RGS9: variants seen among roughly 807,000 people sequenced by gnomAD.
RGS9 encodes regulator of G-protein signalling 9.
In RGS9, 78 loss-of-function variants were observed where a neutral mutation model predicts 102.0. The ratio of observed to expected loss-of-function variants is 0.76; its 90% CI spans 0.64 to 0.92. RGS9 has a LOEUF of 0.92. Among genes scored for constraint, RGS9 ranks in the 40% least tolerant of loss-of-function variants. The probability of loss-of-function intolerance (pLI) is 0.00; values close to 1 mark genes in which losing one functional copy is unlikely to be tolerated. For missense variants in RGS9, 833 were observed against 866.1 expected, an observed-to-expected ratio of 0.96 and a Z score of 0.48; for synonymous variants, 353 against 318.6, an observed-to-expected ratio of 1.11 and a Z score of -1.15.
chr17:65,216,221 T>A (rs1375314309), intron 17 of RGS9, among the ~76,000 whole-genome samples: 1 of 152,234 alleles, frequency 6.6e-6, no homozygotes, highest in Non-Finnish European at 1.5e-5. Context: ...CAGTAGTTTG[T>A]ACACAGTGAA....
rs762492230 is a variant in RGS9 at position 65,207,976 on chromosome 17, G to C, written c.1258G>C (p.Ala420Pro). 2 of 1,613,444 alleles carry C rather than the reference G, an allele frequency of 1.2e-6. No individual in the cohort carries two copies. Among genetic ancestry groups the C allele is most frequent in the Non-Finnish European group, 1.7e-6 (2 of 1,179,500 alleles). The change falls in exon 16 of 19, where the codon GCT (alanine) becomes CCT (proline). Residue 420 changes from alanine (A) to proline (P), a missense_variant. Physicochemically the swap from Ala to Pro is conservative, Grantham distance 27. This residue lies in a region of RGS9 where 185 missense variants were observed against 248.7 expected (regional missense o/e 0.74). Transcript: ENST00000262406. The stretch of plus-strand genomic sequence containing the variant: ...GATCTATAAGGACATGCTGGCCAAA[G>C]CTATTGAACCTCAGGAAACCACCAA... ...SPIYKDMLAK[A>P]IEPQETTKKS...
At chr17:65,191,500 A>G (rs919136063) in intron 11 of RGS9, among the ~76,000 whole-genome samples, 1 of 152,022 alleles carries the variant, frequency 6.6e-6, no homozygotes, top group Admixed American at 6.6e-5. Flanking sequence ...ACCTGAGGTC[A>G]GGATTTCAGG....
At chr17:65,157,516 C>T (rs1910811005) in intron 2 of RGS9, among the ~76,000 whole-genome samples, 1 of 151,828 alleles carries the variant, frequency 6.6e-6, no homozygotes, top group South Asian at 2.1e-4. Context: ...TGTACGGGTG[C>T]ACATTCTCTC....
intron 6 of RGS9, among the ~76,000 whole-genome samples, chr17:65,162,392 T>C (rs970823017): frequency 1.3e-5 from 2 of 152,014 alleles, no homozygotes; most frequent in Non-Finnish European, 2.9e-5. Context: ...AAAAAAAAAA[T>C]TGATTTTCAA....
chr17:65,162,036 C>G (rs890289101), intron 6 of RGS9, among the ~76,000 whole-genome samples: 1 of 152,004 alleles, frequency 6.6e-6, no homozygotes, highest in African/African-American at 2.4e-5. Flanking sequence ...TCAGAAAGGC[C>G]GGTTTATCTT....
Position 65,160,839 on chromosome 17 carries a change from T to C in RGS9, c.365-12T>C. 4 of 1,613,094 alleles carry C rather than the reference T, an allele frequency of 2.5e-6. No individual in the cohort carries two copies. The highest frequency in any genetic ancestry group is 1.7e-4 in the Middle Eastern group (1 of 6,058). ...AGATGATGATGGAAAATGTCATTGC[T>C]TTCTTTTCCAGCCATCTATCTGGCC... On this transcript the variant is annotated splice_polypyrimidine_tract_variant and intron_variant, in intron 5 of 18. Coordinates refer to ENST00000262406, the MANE Select transcript of RGS9 (RefSeq NM_003835.4).
At chr17:65,149,993 G>A (rs1910514108) in intron 1 of RGS9, among the ~76,000 whole-genome samples, 1 of 152,220 alleles carries the variant, frequency 6.6e-6, no homozygotes, top group Admixed American at 6.5e-5. Context: ...GTTGGGAGAT[G>A]TTGTTTAATT....
intron 13 of RGS9, among the ~76,000 whole-genome samples, chr17:65,197,921 C>T (rs1173898189): frequency 6.6e-6 from 1 of 152,068 alleles, no homozygotes; most frequent in Non-Finnish European, 1.5e-5. Flanking sequence ...TCTGCCCTCC[C>T]CAGCCTCCCA....
At chr17:65,215,086 T>C (rs1913437661) in intron 17 of RGS9, among the ~76,000 whole-genome samples, 1 of 152,212 alleles carries the variant, frequency 6.6e-6, no homozygotes, top group Non-Finnish European at 1.5e-5. Context: ...GCAGTTCGTA[T>C]GCTGGATGTC....
chr17:65,202,408 GGTGTGTGTGTGTGTGTGT>G (rs746368093), intron 14 of RGS9, among the ~76,000 whole-genome samples: 1 of 132,342 alleles, frequency 7.6e-6, no homozygotes, highest in South Asian at 2.4e-4. Flanking sequence ...TGTCCTGAGG[GGTGTGTGTGTGTGTGTGT>G]GTGTGTGTGT....
intron 7 of RGS9, among the ~76,000 whole-genome samples, chr17:65,164,793 T>C (rs1198035594): frequency 6.6e-6 from 1 of 152,210 alleles, no homozygotes; most frequent in Non-Finnish European, 1.5e-5. Context: ...ACAACACGGG[T>C]TATCTTTAAT....
rs895718170 is a variant in RGS9, at chr17:65,225,477, G to C, written c.1883G>C (p.Arg628Thr). The change falls in exon 18 of 19, where the codon AGA (arginine) becomes ACA (threonine). Residue 628 changes from arginine to threonine, a missense_variant. Arg to Thr is a moderately conservative substitution (Grantham distance 71). This residue lies in a region of RGS9 where 320 missense variants were observed against 276.8 expected (regional missense o/e 1.16). Transcript: ENST00000262406. ...CAGCTGCCACGATTGAAATCCAAGA[G>C]AGTAGCAAAGTAAGAACCCGAAGGG... is the stretch of plus-strand genomic sequence containing the variant. ...GQQLPRLKSK[R>T]VANFFQIKMD... 1.2e-6 allele frequency: 2 copies of C among 1,602,488 alleles called. No individual in the cohort carries two copies. Among genetic ancestry groups the C allele is most frequent in the Non-Finnish European group, 1.7e-6 (2 of 1,179,974 alleles).
At chr17:65,197,692 C>T (rs1912651285) in intron 13 of RGS9, among the ~76,000 whole-genome samples, 1 of 150,326 alleles carries the variant, frequency 6.7e-6, no homozygotes, top group Non-Finnish European at 1.5e-5. Context: ...TTTCTGGAGA[C>T]AGAGTCTTGC....
At chr17:65,226,712 C>T (rs752863809) in intron 18 of RGS9, among the ~76,000 whole-genome samples, 35 of 151,856 alleles carry the variant, frequency 2.3e-4, no homozygotes, top group Non-Finnish European at 3.8e-4. Flanking sequence ...TCCCAGGTTC[C>T]AGCAATTCTC....
intron 5 of RGS9, 123 bp from the exon 6 acceptor site, chr17:65,160,728 C>A: frequency 7.2e-7 from 1 of 1,387,744 alleles, no homozygotes; most frequent in Non-Finnish European, 1.0e-6. Flanking sequence ...TCCCCAGGGG[C>A]AAGGGGCTGG....
rs764357316 is a variant in RGS9 at position 65,153,531 on chromosome 17, G to A, written c.154+13G>A. On this transcript the variant is annotated intron_variant, in intron 2 of 18. Coordinates refer to ENST00000262406, the MANE Select transcript of RGS9 (RefSeq NM_003835.4). Reference sequence around the variant, plus strand: ...CATGCCATGACAGGTGATGTAGCTTGCACTTTAGTCTTGGCCTGGAATAGA... The same window carrying A: ...CATGCCATGACAGGTGATGTAGCTTACACTTTAGTCTTGGCCTGGAATAGA... 3 of 1,605,732 alleles carry A rather than the reference G, an allele frequency of 1.9e-6. No individual in the cohort carries two copies. Among genetic ancestry groups the A allele is most frequent in the East Asian group, 2.2e-5 (1 of 44,852 alleles).
intron 11 of RGS9, 59 bp from the exon 12 acceptor site, chr17:65,193,484 A>G: frequency 9.7e-7 from 1 of 1,026,980 alleles, no homozygotes; most frequent in South Asian, 1.3e-5. Context: ...TGACCTGTGT[A>G]TTGATGTCAT....
intron 17 of RGS9, among the ~76,000 whole-genome samples, chr17:65,218,247 T>C (rs560810982): frequency 2.0e-5 from 3 of 152,354 alleles, no homozygotes; most frequent in African/African-American, 4.8e-5. Context: ...CAATGGGAAA[T>C]GCTGTGGGAT....
chr17:65,177,612 GC>G (rs1911694560), intron 8 of RGS9, 119 bp from the exon 9 acceptor site: 2 of 1,013,100 alleles, frequency 2.0e-6, no homozygotes, highest in South Asian at 2.5e-5. Flanking sequence ...CTTCCCATGG[GC>G]TAGGCCACAA....
Sources: gnomAD v4.1 joint callset for allele counts (sites outside exome capture counted in the v4.1 genomes callset) on GRCh38, gnomAD v4.1.1 for gene constraint, gnomAD v4.1.1 regional missense constraint, MANE v1.5 for transcripts, NCBI Gene and HGNC (gene_info 2026-07-23, HGNC 2026-07-21) for gene names.